SLC20A2: variants seen among roughly 807,000 people sequenced by gnomAD.
SLC20A2 encodes solute carrier family 20 member 2, also known as sodium-dependent phosphate transporter 2.
SLC20A2 carries 30 observed loss-of-function variants against 61.0 expected under a neutral mutation model. The observed-to-expected ratio is 0.49, with a 90% CI of 0.37 to 0.67. SLC20A2 has a LOEUF of 0.67. SLC20A2 is among the 30% of genes least tolerant of loss of function. The pLI is 0.00. For missense variants in SLC20A2, 626 were observed against 866.4 expected (o/e 0.72, Z 3.48); for synonymous variants, 351 against 353.3 (o/e 0.99, Z 0.07).
At chr8:42,497,708 C>A (rs897718730) in intron 1 of SLC20A2, among the ~76,000 whole-genome samples, 3 of 150,702 alleles carry the variant, frequency 2.0e-5, no homozygotes, top group African/African-American at 7.4e-5. Flanking sequence ...TTCCAACCCT[C>A]AATTGGTTTT....
At chr8:42,478,526 C>T (rs1808332239) in intron 1 of SLC20A2, among the ~76,000 whole-genome samples, 1 of 152,062 alleles carries the variant, frequency 6.6e-6, no homozygotes, top group Non-Finnish European at 1.5e-5. Context: ...TTGGCAATTT[C>T]TTAAAAGTGA....
chr8:42,430,394 G>T, intron 8 of SLC20A2, 145 bp from the exon 9 acceptor site: 4 of 735,402 alleles, frequency 5.4e-6, no homozygotes, highest in Non-Finnish European at 6.4e-6. Context: ...ACAGAGTCTT[G>T]CTCTGTTGCC....
intron 5 of SLC20A2, among the ~76,000 whole-genome samples, chr8:42,458,606 A>AAG (rs2131148364): frequency 7.0e-6 from 1 of 143,780 alleles, no homozygotes; most frequent in East Asian, 2.1e-4. Context: ...CTGGGCAATA[A>AAG]AGAAAAAAAA....
In SLC20A2 at chr8:42,437,666, T is replaced by G. The variant is rs1586026465; in HGVS notation, c.935-89A>C. On this transcript the variant is annotated intron_variant, in intron 7 of 10. Coordinates refer to ENST00000520262, the MANE Select transcript of SLC20A2 (RefSeq NM_001257180.2). The surrounding 1 kb of genome is among the most constrained non-coding windows in gnomAD (Gnocchi z 6.4). Reference sequence around the variant, plus strand: ...ACGGAGCCTTGCTCTGTCCTCAGGGTGGAGTACAATGGCGCAATCTCGGCT... The same window carrying G: ...ACGGAGCCTTGCTCTGTCCTCAGGGGGGAGTACAATGGCGCAATCTCGGCT... The G allele has an allele frequency of 9.2e-7, 1 of 1,085,290 alleles. No homozygotes were observed. The highest frequency in any genetic ancestry group is 1.3e-6 in the Non-Finnish European group (1 of 790,246). The allele number at this position is 1,085,290 out of a possible 1,614,324, so 67.2% of individuals were successfully genotyped here. A position where few individuals can be genotyped will look rare whatever the true frequency, so the allele number is the denominator to read the frequency against.
rs1017714445 is a variant in SLC20A2, at chr8:42,530,190, T to C, written c.-265+11631A>G. Among the ~76,000 whole-genome samples the C allele has an allele frequency of 8.5e-5, 13 of 152,166 alleles. 1 individual carries two copies. The highest frequency in any genetic ancestry group is 8.5e-4 in the Admixed American group (13 of 15,270). The stretch of plus-strand genomic sequence containing the variant: ...AGATGGTATACAGGCCAGAGACCCA[T>C]ATTTTAAAGAGCTGATAATTTAGGA... On this transcript the variant is annotated intron_variant, in intron 1 of 10. Transcript: ENST00000342228.
intron 1 of SLC20A2, among the ~76,000 whole-genome samples, chr8:42,497,687 T>C (rs1290585627): frequency 3.3e-5 from 5 of 151,808 alleles, no homozygotes; most frequent in Non-Finnish European, 2.9e-5. Flanking sequence ...CCTCTTATCA[T>C]AGGTATCATT....
chr8:42,523,724 T>TG (rs1247186707), intron 1 of SLC20A2, among the ~76,000 whole-genome samples: 2 of 152,170 alleles, frequency 1.3e-5, no homozygotes, highest in African/African-American at 2.4e-5. Flanking sequence ...ATCAACATGT[T>TG]GGTTTTCTTA....
chr8:42,452,848 G>A (rs1472182290), intron 5 of SLC20A2, among the ~76,000 whole-genome samples: 1 of 152,140 alleles, frequency 6.6e-6, no homozygotes, highest in Non-Finnish European at 1.5e-5. Context: ...TGGTGGAAAC[G>A]AGTGAGCAAA....
At chr8:42,488,087 T>C (rs1809180147) in intron 1 of SLC20A2, among the ~76,000 whole-genome samples, 1 of 152,082 alleles carries the variant, frequency 6.6e-6, no homozygotes, top group Non-Finnish European at 1.5e-5. Flanking sequence ...GACCAAGTAA[T>C]ATTTCCTTGT....
intron 2 of SLC20A2, among the ~76,000 whole-genome samples, chr8:42,468,830 T>G (rs1807394054): frequency 2.0e-5 from 3 of 152,088 alleles, no homozygotes; most frequent in Admixed American, 2.0e-4. Flanking sequence ...GCTGGCTCGT[T>G]TGTGCTAGTG....
At chr8:42,523,725 G>A (rs1190683966) in intron 1 of SLC20A2, among the ~76,000 whole-genome samples, 1 of 152,048 alleles carries the variant, frequency 6.6e-6, no homozygotes, top group African/African-American at 2.4e-5. Flanking sequence ...TCAACATGTT[G>A]GTTTTCTTAG....
intron 10 of SLC20A2, 70 bp from the exon 11 acceptor site, chr8:42,418,037 G>A: frequency 7.7e-7 from 1 of 1,306,952 alleles, no homozygotes. Flanking sequence ...ATGTACATGG[G>A]CTAATCTCAG....
At chr8:42,436,726 G>A (rs1429454464) in intron 8 of SLC20A2, among the ~76,000 whole-genome samples, 1 of 152,182 alleles carries the variant, frequency 6.6e-6, no homozygotes, top group African/African-American at 2.4e-5. Flanking sequence ...CTCCGTCACC[G>A]GCCAGCCCTT....
chr8:42,482,499 T>A (rs1353880942), intron 1 of SLC20A2, among the ~76,000 whole-genome samples: 1 of 152,106 alleles, frequency 6.6e-6, no homozygotes, highest in Non-Finnish European at 1.5e-5. Flanking sequence ...AGGTGGTTCA[T>A]CCCTGCAATC....
chr8:42,470,216 A>ATTT (rs556198459), intron 2 of SLC20A2, among the ~76,000 whole-genome samples: 2 of 132,938 alleles, frequency 1.5e-5, no homozygotes, highest in Admixed American at 7.7e-5. Flanking sequence ...CTTGAACCTG[A>ATTT]TTTTTTTTTT....
At chr8:42,436,433 CCTT>C (rs933235783) in intron 8 of SLC20A2, among the ~76,000 whole-genome samples, 1 of 152,202 alleles carries the variant, frequency 6.6e-6, no homozygotes, top group Non-Finnish European at 1.5e-5. Flanking sequence ...CTGCCTCTTT[CCTT>C]CTTCTCTCAC....
intron 3 of SLC20A2, among the ~76,000 whole-genome samples, chr8:42,464,633 T>C (rs188959158): frequency 6.6e-5 from 10 of 152,252 alleles, no homozygotes; most frequent in Admixed American, 3.3e-4. Context: ...TTCAAAAGAA[T>C]AGAGTTAAAC....
chr8:42,506,852 T>A (rs942126112), intron 1 of SLC20A2, among the ~76,000 whole-genome samples: 1 of 152,208 alleles, frequency 6.6e-6, no homozygotes. Flanking sequence ...GACTCTGGGC[T>A]TGGCCAGTAG....
chr8:42,443,111 T>A (rs1419321484), intron 6 of SLC20A2, among the ~76,000 whole-genome samples: 2 of 149,920 alleles, frequency 1.3e-5, no homozygotes, highest in African/African-American at 4.9e-5. Context: ...TTATATATGT[T>A]ATAATTACTA....
Sources: gnomAD v4.1 joint callset for allele counts (sites outside exome capture counted in the v4.1 genomes callset) on GRCh38, gnomAD v4.1.1 for gene constraint, Gnocchi (gnomAD v3.1) non-coding constraint, MANE v1.5 for transcripts, NCBI Gene and HGNC (gene_info 2026-07-23, HGNC 2026-07-21) for gene names.